The following KDM4C variants were observed in gnomAD, a reference collection of about 807,000 sequenced individuals.
The protein encoded by KDM4C is lysine demethylase 4C, also known as lysine-specific demethylase 4C.
In KDM4C, 81 loss-of-function variants were observed where a neutral mutation model predicts 129.3. That is an observed-to-expected ratio of 0.63 (90% CI 0.52 to 0.75). The LOEUF (loss-of-function observed/expected upper bound fraction) is 0.75. Ranked by LOEUF, KDM4C falls within the 30% of genes least tolerant of loss-of-function variation. The pLI, the probability that KDM4C is intolerant of heterozygous loss-of-function variation, is 0.00. For missense variants in KDM4C, 1,457 were observed against 1,304.0 expected (o/e 1.12, Z -1.81); for synonymous variants, 573 against 456.1 (o/e 1.26, Z -3.26).
chr9:6,806,924 C>T (rs1415067177), intron 3 of KDM4C, among the ~76,000 whole-genome samples: 1 of 151,880 alleles, frequency 6.6e-6, no homozygotes, highest in Non-Finnish European at 1.5e-5. Context: ...CTCTCCGTCT[C>T]CCCACGGTCT....
chr9:6,915,114 T>A (rs1589081224), intron 8 of KDM4C, among the ~76,000 whole-genome samples: 1 of 152,202 alleles, frequency 6.6e-6, no homozygotes, highest in African/African-American at 2.4e-5. Flanking sequence ...GTGGGGTGCT[T>A]TTTTAGTTTG....
intron 21 of KDM4C, among the ~76,000 whole-genome samples, chr9:7,171,711 T>C (rs1316147557): frequency 6.6e-6 from 1 of 152,220 alleles, no homozygotes; most frequent in Admixed American, 6.5e-5. Flanking sequence ...ACAGTAGATT[T>C]CGCTCAGATA....
chr9:6,945,234 G>T (rs1333990155), intron 8 of KDM4C, among the ~76,000 whole-genome samples: 1 of 152,024 alleles, frequency 6.6e-6, no homozygotes, highest in East Asian at 1.9e-4. Flanking sequence ...TTAGTCAATT[G>T]ATCTTAGGTA....
At chr9:6,726,077 C>G (rs1388591091) in intron 1 of KDM4C, among the ~76,000 whole-genome samples, 1 of 152,042 alleles carries the variant, frequency 6.6e-6, no homozygotes, top group Non-Finnish European at 1.5e-5. Context: ...CAGGTGCACA[C>G]CACCACACCT....
chr9:6,956,678 A>C (rs1291445691), intron 8 of KDM4C, among the ~76,000 whole-genome samples: 1 of 152,214 alleles, frequency 6.6e-6, no homozygotes, highest in Non-Finnish European at 1.5e-5. Context: ...CACAGAGCCT[A>C]AAATATTTTT....
intron 4 of KDM4C, among the ~76,000 whole-genome samples, chr9:6,817,195 G>A (rs950363999): frequency 1.9e-5 from 1 of 53,250 alleles, no homozygotes; most frequent in Non-Finnish European, 3.2e-5. Context: ...CCCTCCCCCT[G>A]CCCCCCCCCC....
At chr9:7,132,651 T>G (rs1840768727) in intron 19 of KDM4C, among the ~76,000 whole-genome samples, 1 of 152,228 alleles carries the variant, frequency 6.6e-6, no homozygotes, top group Admixed American at 6.5e-5. Context: ...TTCCACTATT[T>G]TGATGGGCAT....
At chr9:7,090,214 C>T (rs1387519755) in intron 17 of KDM4C, among the ~76,000 whole-genome samples, 1 of 152,218 alleles carries the variant, frequency 6.6e-6, no homozygotes, top group Non-Finnish European at 1.5e-5. Context: ...CAGATTCTTT[C>T]TCCTAAATAT....
At chr9:6,908,030 T>C (rs944125664) in intron 8 of KDM4C, among the ~76,000 whole-genome samples, 3 of 152,226 alleles carry the variant, frequency 2.0e-5, no homozygotes, top group Admixed American at 1.3e-4. Context: ...GAATGGATTT[T>C]CCTTATAACC....
intron 21 of KDM4C, among the ~76,000 whole-genome samples, chr9:7,173,225 C>CT (rs1214829502): frequency 6.6e-6 from 1 of 152,212 alleles, no homozygotes; most frequent in African/African-American, 2.4e-5. Flanking sequence ...AAGAAGGACC[C>CT]TTAAGCTTGC....
intron 19 of KDM4C, among the ~76,000 whole-genome samples, chr9:7,147,869 C>T (rs1842353955): frequency 6.6e-6 from 1 of 152,230 alleles, no homozygotes; most frequent in Non-Finnish European, 1.5e-5. Flanking sequence ...CTGGAAACCT[C>T]TGTGGCTGGT....
At chr9:7,006,972 A>G (rs968360616) in intron 12 of KDM4C, among the ~76,000 whole-genome samples, 1 of 152,256 alleles carries the variant, frequency 6.6e-6, no homozygotes, top group Non-Finnish European at 1.5e-5. Flanking sequence ...ATGGCGATTA[A>G]AAAATTTGAA....
intron 1 of KDM4C, among the ~76,000 whole-genome samples, chr9:6,776,389 G>T (rs1448761507): frequency 1.3e-5 from 2 of 151,958 alleles, no homozygotes; most frequent in African/African-American, 4.8e-5. Context: ...AGCCTCCCGA[G>T]AAGCTGGGAA....
At chr9:7,148,749 G>C (rs967316687) in intron 19 of KDM4C, among the ~76,000 whole-genome samples, 1 of 152,220 alleles carries the variant, frequency 6.6e-6, no homozygotes, top group Non-Finnish European at 1.5e-5. Flanking sequence ...GTGGAGAGGA[G>C]ACCTGAAGTG....
intron 13 of KDM4C, among the ~76,000 whole-genome samples, 176 bp from the exon 14 acceptor site, chr9:7,013,612 G>A (rs980721705): frequency 1.3e-5 from 2 of 152,130 alleles, no homozygotes; most frequent in Non-Finnish European, 2.9e-5. Context: ...ACATTTGGGT[G>A]GGAGTCTGAG....
At chr9:6,989,748 G>A (rs1162344114) in intron 11 of KDM4C, among the ~76,000 whole-genome samples, 1 of 152,012 alleles carries the variant, frequency 6.6e-6, no homozygotes, top group African/African-American at 2.4e-5. Context: ...CCACAGTCCT[G>A]TATTTTTATG....
chr9:6,923,521 C>T (rs72701473), intron 8 of KDM4C, among the ~76,000 whole-genome samples: 6,081 of 152,204 alleles, frequency 0.04, 179 homozygotes, highest in Non-Finnish European at 0.062. Context: ...ATTACAATGA[C>T]AGAATGAAGG....
At position 7,149,507 on chromosome 9, in the gene KDM4C, G is replaced by A. The variant is rs955552220; in HGVS notation, c.2782-15731G>A. On this transcript the variant is annotated intron_variant, in intron 19 of 21. Transcript: ENST00000381309. The stretch of plus-strand genomic sequence containing the variant: ...TCAGTAGGGCACGGGGCTCCCACTG[G>A]GATCACCTGTTCCCAGCCCCCATGT... 5.9e-5 allele frequency among the ~76,000 whole-genome samples: 9 copies of A among 152,316 alleles called. No homozygotes were observed. In the East Asian group the frequency reaches 1.7e-3, roughly 29 times the overall value.
intron 17 of KDM4C, among the ~76,000 whole-genome samples, chr9:7,090,694 C>G (rs1301119086): frequency 6.6e-6 from 1 of 152,212 alleles, no homozygotes; most frequent in Non-Finnish European, 1.5e-5. Flanking sequence ...AACCGTAACA[C>G]TATTTCTACA....
Sources: allele counts gnomAD v4.1 joint callset (sites outside exome capture counted in the v4.1 genomes callset), GRCh38; gene constraint gnomAD v4.1.1; transcripts MANE v1.5; gene names NCBI Gene and HGNC (gene_info 2026-07-23, HGNC 2026-07-21).